Variants in LIFR observed in about 807,000 individuals in gnomAD.
LIFR encodes LIF receptor subunit alpha, also known as leukemia inhibitory factor receptor.
Under a neutral mutation model 122.2 loss-of-function variants are expected in LIFR, and 84 were observed. That is an observed-to-expected ratio of 0.69 (90% confidence interval 0.58 to 0.82). LIFR has a LOEUF of 0.82. Among genes scored for constraint, LIFR ranks in the 40% least tolerant of loss-of-function variants. The pLI, the probability that LIFR is intolerant of heterozygous loss-of-function variation, is 0.00. For synonymous variants in LIFR, 422 were observed against 434.7 expected (o/e 0.97, Z 0.36); for missense variants, 1,294 against 1,311.6 (o/e 0.99, Z 0.21).
Position 38,504,062 on chromosome 5 carries a change from G to A in LIFR, c.1351C>T (p.Leu451Phe), listed in dbSNP as rs746534785. 5.0e-6 allele frequency: 8 copies of A among 1,588,988 alleles called. No individual in the cohort carries two copies. In the African/African-American group the frequency reaches 8.1e-5, roughly 16 times the overall value. Residue 451 changes from leucine to phenylalanine, a missense_variant, in exon 10 of 20, where the codon CTT becomes TTT. Leu to Phe is a conservative substitution (Grantham distance 22, BLOSUM62 0). Transcript: ENST00000453190. ...AAGTTGCCTGGTAAATGCCAAGAAA[G>A]TTTAACAGCTGTTGAATTAATATCC... is the stretch of plus-strand genomic sequence containing the variant. ...VKDINSTAVK[L>F]SWHLPGNFAK...
chr5:38,554,648 A>C (rs1001923507), intron 1 of LIFR, among the ~76,000 whole-genome samples: 2 of 152,148 alleles, frequency 1.3e-5, no homozygotes, highest in Non-Finnish European at 2.9e-5. Context: ...ATGGGTCCTC[A>C]TCTTTAGGAA....
intron 5 of LIFR, among the ~76,000 whole-genome samples, chr5:38,519,444 A>G (rs1294238743): frequency 6.6e-6 from 1 of 152,076 alleles, no homozygotes; most frequent in Non-Finnish European, 1.5e-5. Flanking sequence ...TCTCATGAGT[A>G]TTATCATTTC....
chr5:38,481,771 C>T lies in LIFR; in HGVS notation c.3118G>A (p.Val1040Met). 6.2e-7 allele frequency: 1 copy of T among 1,614,072 alleles called. No individual in the cohort carries two copies. Among genetic ancestry groups the T allele is most frequent in the Non-Finnish European group, 8.5e-7 (1 of 1,179,998 alleles). Residue 1040 changes from valine (V) to methionine (M), a missense_variant, in exon 20 of 20, where the codon GTG (valine) becomes ATG (methionine). Physicochemically the swap from Val to Met is conservative, Grantham distance 21 (BLOSUM62 1). Transcript: ENST00000453190. ...PQANVNTWNLVSPDSPRSIDS... is the reference protein window; with the variant it reads ...PQANVNTWNLMSPDSPRSIDS... ...ATGGATCTAGGAGAGTCTGGAGACA[C>T]TAAATTCCATGTATTTACATTGGCC...
At chr5:38,591,473 A>T (rs1749919186) in intron 1 of LIFR, among the ~76,000 whole-genome samples, 2 of 152,190 alleles carry the variant, frequency 1.3e-5, no homozygotes, top group African/African-American at 4.8e-5. Context: ...AGGACTCCAC[A>T]CTAATGTTTT....
At chr5:38,607,300 C>T (rs566671240) in intron 1 of LIFR, among the ~76,000 whole-genome samples, 106 of 152,276 alleles carry the variant, frequency 7.0e-4, no homozygotes, top group Middle Eastern at 3.4e-3. Context: ...CATTGTGCCT[C>T]GCATTTTCAT....
rs1315248425 is a variant in LIFR, at chr5:38,496,554, G to C, written c.1713C>G (p.Tyr571Ter). The change falls in exon 13 of 20, where the codon TAC (tyrosine) becomes TAG (stop). Residue 571 changes from tyrosine (Y) to a stop codon, truncating the protein, a stop_gained. Coordinates refer to ENST00000453190, the MANE Select transcript of LIFR (RefSeq NM_001127671.2). LOFTEE classifies it high-confidence loss of function. ...INEANGKILSYNVSCSSDEET... is the reference protein window; with the variant it reads ...INEANGKILS ...CCTCATCTGATGAACACGATACATT[G>C]TAGGAAAGTATTTTTCCATTAGCTT... 1 of 1,613,804 alleles carries C rather than the reference G, an allele frequency of 6.2e-7. No individual in the cohort carries two copies. Among genetic ancestry groups the C allele is most frequent in the South Asian group, 1.1e-5 (1 of 91,080 alleles).
chr5:38,503,006 C>A (rs926036812), intron 10 of LIFR, among the ~76,000 whole-genome samples: 2 of 151,990 alleles, frequency 1.3e-5, no homozygotes, highest in African/African-American at 4.8e-5. Flanking sequence ...CCTGCCAAGC[C>A]AATGAAATTA....
At chr5:38,517,776 G>C (rs895552761) in intron 5 of LIFR, among the ~76,000 whole-genome samples, 3 of 141,114 alleles carry the variant, frequency 2.1e-5, no homozygotes, top group Admixed American at 7.6e-5. Context: ...AGAATAGCTT[G>C]AACCCGGGAT....
In LIFR at chr5:38,481,746, A is replaced by G. The variant is rs763655688; in HGVS notation, c.3143T>C (p.Ile1048Thr). The G allele has an allele frequency of 5.6e-6, 9 of 1,614,176 alleles. No individual in the cohort carries two copies. The East Asian group carries it at 1.8e-4, about 32-fold the overall frequency. The change falls in exon 20 of 20, where the codon ATA becomes ACA. Residue 1048 changes from isoleucine to threonine, a missense_variant. Ile to Thr is a moderately conservative substitution (Grantham distance 89). Coordinates refer to ENST00000453190, the MANE Select transcript of LIFR (RefSeq NM_001127671.2). The stretch of plus-strand genomic sequence containing the variant: ...TGAGACAATCTCACTGTTGCTGTCT[A>G]TGGATCTAGGAGAGTCTGGAGACAC... ...NLVSPDSPRS[I>T]DSNSEIVSFG... is the part of the protein sequence containing the mutation.
Position 38,528,227 on chromosome 5 carries a change from C to T in LIFR, c.257+499G>A, listed in dbSNP as rs545098771. On this transcript the variant is annotated intron_variant, in intron 3 of 19. Coordinates refer to ENST00000453190, the MANE Select transcript of LIFR (RefSeq NM_001127671.2). Reference sequence around the variant, plus strand: ...CACCTCCTCTGACAGCCTTTCTAGACATTCATACTCCTAGTGTCCACTCCC... The same window carrying T: ...CACCTCCTCTGACAGCCTTTCTAGATATTCATACTCCTAGTGTCCACTCCC... Among the ~76,000 whole-genome samples, 3 of 152,294 alleles carry T rather than the reference C, an allele frequency of 2.0e-5. No individual in the cohort carries two copies. The South Asian group carries it at 6.2e-4, about 32-fold the overall frequency.
chr5:38,509,853 A>G (rs1003898269), intron 7 of LIFR, among the ~76,000 whole-genome samples: 1 of 152,154 alleles, frequency 6.6e-6, no homozygotes, highest in African/African-American at 2.4e-5. Flanking sequence ...GCCCACAACA[A>G]ACTACTTTTG....
intron 4 of LIFR, among the ~76,000 whole-genome samples, chr5:38,526,773 A>G (rs62355819): frequency 0.04 from 6,054 of 152,282 alleles, 171 homozygotes; most frequent in Middle Eastern, 0.099. Context: ...ACAATGAACT[A>G]TTAATCGACT....
chr5:38,535,498 G>A (rs995559870), intron 1 of LIFR, among the ~76,000 whole-genome samples: 2 of 152,170 alleles, frequency 1.3e-5, no homozygotes, highest in African/African-American at 4.8e-5. Context: ...TATAACCTAT[G>A]ACTACTTTCC....
At chr5:38,553,421 G>A (rs540933602) in intron 1 of LIFR, among the ~76,000 whole-genome samples, 1 of 151,312 alleles carries the variant, frequency 6.6e-6, no homozygotes, top group Non-Finnish European at 1.5e-5. Context: ...CATCTCCTTC[G>A]CTGAGATTAT....
At chr5:38,551,428 C>G (rs1748194422) in intron 1 of LIFR, among the ~76,000 whole-genome samples, 1 of 152,326 alleles carries the variant, frequency 6.6e-6, no homozygotes, top group African/African-American at 2.4e-5. Flanking sequence ...TCTCACTGCC[C>G]CATTAGCATT....
At chr5:38,519,583 A>G (rs1746292919) in intron 5 of LIFR, among the ~76,000 whole-genome samples, 1 of 152,178 alleles carries the variant, frequency 6.6e-6, no homozygotes, top group African/African-American at 2.4e-5. Flanking sequence ...ATTTGTACCC[A>G]TTCACCAACC....
chr5:38,606,911 C>T (rs1468163277), intron 1 of LIFR, among the ~76,000 whole-genome samples: 2 of 152,154 alleles, frequency 1.3e-5, no homozygotes, highest in East Asian at 1.9e-4. Flanking sequence ...CATATCCAAC[C>T]TGTGTGTTCA....
intron 15 of LIFR, 93 bp from the exon 16 acceptor site, chr5:38,489,338 T>TC: frequency 9.9e-7 from 1 of 1,006,424 alleles, no homozygotes; most frequent in Non-Finnish European, 1.5e-6. Flanking sequence ...CAAAAATAAT[T>TC]CAACTTGGAA....
chr5:38,531,067 A>G, intron 1 of LIFR: 1 of 169,724 alleles, frequency 5.9e-6, no homozygotes, highest in South Asian at 1.5e-4. Context: ...TAGTACGTTA[A>G]CTTGTGTTTA....
Sources: gnomAD v4.1 joint callset for allele counts (sites outside exome capture counted in the v4.1 genomes callset) on GRCh38, gnomAD v4.1.1 for gene constraint, MANE v1.5 for transcripts, NCBI Gene and HGNC (gene_info 2026-07-23, HGNC 2026-07-21) for gene names.